CDH11: variants seen among roughly 807,000 people sequenced by gnomAD.
CDH11 encodes cadherin-11.
CDH11 carries 11 observed loss-of-function variants against 67.8 expected under a neutral mutation model. The ratio of observed to expected loss-of-function variants is 0.16; its 90% CI spans 0.10 to 0.27. CDH11 has a LOEUF of 0.27. CDH11 is among the 10% of genes least tolerant of loss of function. CDH11 has a pLI of 1.00. For synonymous variants in CDH11, 419 were observed against 400.0 expected, an observed-to-expected ratio of 1.05 and a Z score of -0.57; for missense variants, 847 against 1,031.2, an observed-to-expected ratio of 0.82 and a Z score of 2.45.
chr16:64,973,076 C>T (rs982664927), intron 8 of CDH11, 36 bp from the exon 9 acceptor site: 2 of 1,598,504 alleles, frequency 1.3e-6, no homozygotes, highest in Non-Finnish European at 1.7e-6. Context: ...TAGACCAAGA[C>T]ATTCAGAGCA....
At chr16:64,995,849 C>G (rs557657767) in intron 4 of CDH11, among the ~76,000 whole-genome samples, 1 of 152,154 alleles carries the variant, frequency 6.6e-6, no homozygotes, top group East Asian at 1.9e-4. Context: ...ACTACACACC[C>G]AACAAAGGTC....
At chr16:64,951,785 T>C (rs894594434) in intron 11 of CDH11, among the ~76,000 whole-genome samples, 22 of 152,198 alleles carry the variant, frequency 1.4e-4, no homozygotes, top group Admixed American at 1.3e-4. Context: ...TCATTAGTCA[T>C]GTAAATATAC....
Position 64,947,540 on chromosome 16 carries a change from A to G in CDH11, c.*63T>C. On this transcript the variant is annotated 3_prime_UTR_variant, in exon 13 of 13. Transcript: ENST00000268603. ...TTGATTTAAAAAAATACCTGTTTAC[A>G]CATCTTCTAGATTCTTGAGAACGCC... 1 of 1,534,540 alleles carries G rather than the reference A, an allele frequency of 6.5e-7. No individual in the cohort carries two copies. The highest frequency in any genetic ancestry group is 8.7e-7 in the Non-Finnish European group (1 of 1,143,512).
chr16:64,997,124 C>T (rs1567517258), intron 4 of CDH11, among the ~76,000 whole-genome samples: 2 of 151,630 alleles, frequency 1.3e-5, no homozygotes, highest in African/African-American at 2.4e-5. Flanking sequence ...CATGTGAAAC[C>T]CCGTCCGTAA....
intron 1 of CDH11, among the ~76,000 whole-genome samples, chr16:65,112,994 A>G (rs1369150076): frequency 6.6e-6 from 1 of 152,232 alleles, no homozygotes; most frequent in Non-Finnish European, 1.5e-5. Context: ...AATCAATTAA[A>G]AAATGACTTT....
chr16:65,092,694 C>A (rs1425568683), intron 1 of CDH11, among the ~76,000 whole-genome samples: 1 of 151,122 alleles, frequency 6.6e-6, no homozygotes, highest in Non-Finnish European at 1.5e-5. Context: ...CAACTCAGCT[C>A]AAATCACAGG....
At chr16:64,966,148 G>A (rs2142410831) in intron 11 of CDH11, among the ~76,000 whole-genome samples, 1 of 152,128 alleles carries the variant, frequency 6.6e-6, no homozygotes, top group Middle Eastern at 3.4e-3. Context: ...CTTCCAAAAT[G>A]TAAAGTAGCT....
At position 65,053,808 on chromosome 16, in the gene CDH11, T is replaced by C. The variant is rs1321362072; in HGVS notation, c.-177A>G. On this transcript the variant is annotated 5_prime_UTR_variant, in exon 2 of 13. Coordinates refer to ENST00000268603, the MANE Select transcript of CDH11 (RefSeq NM_001797.4). ...AGTAATATTAGTCCAACTTACCTTC[T>C]TCACCCATTGGATACTTGCTGCCAA... 4.4e-6 allele frequency: 2 copies of C among 456,026 alleles called. No homozygotes were observed. Among genetic ancestry groups the C allele is most frequent in the Non-Finnish European group, 8.8e-6 (2 of 226,776 alleles). The allele number at this position is 456,026 out of a possible 1,614,324, so 28.2% of individuals were successfully genotyped here. A position where few individuals can be genotyped will look rare whatever the true frequency, so the allele number is the denominator to read the frequency against.
At chr16:64,987,870 T>C (rs1273450802) in intron 7 of CDH11, 5 of 279,708 alleles carry the variant, frequency 1.8e-5, no homozygotes, top group Non-Finnish European at 2.7e-5. Flanking sequence ...TTTATCTCAT[T>C]GTCCTTCCCT....
chr16:64,961,907 C>A (rs953052199), intron 11 of CDH11, among the ~76,000 whole-genome samples: 4 of 151,930 alleles, frequency 2.6e-5, no homozygotes, highest in South Asian at 2.1e-4. Context: ...ACACACACAC[C>A]CCCCAAAACA....
chr16:65,015,060 C>T (rs1157330684), intron 2 of CDH11, among the ~76,000 whole-genome samples: 1 of 134,762 alleles, frequency 7.4e-6, no homozygotes, highest in Non-Finnish European at 1.5e-5. Context: ...TATTGAGAGA[C>T]TGGGTTTCTC....
At chr16:65,081,128 T>G (rs569225970) in intron 1 of CDH11, among the ~76,000 whole-genome samples, 1 of 152,312 alleles carries the variant, frequency 6.6e-6, no homozygotes, top group East Asian at 1.9e-4. Context: ...CTGTCTAAAT[T>G]CTATACCTCA....
chr16:64,945,603 C>A lies in CDH11; in HGVS notation c.*2000G>T. On this transcript the variant is annotated 3_prime_UTR_variant, in exon 13 of 13. Coordinates refer to ENST00000268603, the MANE Select transcript of CDH11 (RefSeq NM_001797.4). ...AAACTATATAAAAAAATGAACACAA[C>A]CTGCAATTATGGAAGTATTGAGAAT... The A allele has an allele frequency of 2.9e-6, 3 of 1,033,398 alleles. No homozygotes were observed. Among genetic ancestry groups the A allele is most frequent in the Non-Finnish European group, 3.5e-6 (3 of 858,872 alleles). 64.0% of individuals were successfully genotyped at this position (1,033,398 alleles called of 1,614,324 possible). A position where few individuals can be genotyped will look rare whatever the true frequency, so the allele number is the denominator to read the frequency against.
chr16:65,025,181 T>C (rs1368509452), intron 2 of CDH11, among the ~76,000 whole-genome samples: 2 of 152,132 alleles, frequency 1.3e-5, no homozygotes, highest in African/African-American at 4.8e-5. Flanking sequence ...AAACAACAAA[T>C]GATGCCTGAC....
intron 11 of CDH11, among the ~76,000 whole-genome samples, chr16:64,966,841 G>A (rs540984833): frequency 2.6e-5 from 4 of 152,176 alleles, no homozygotes; most frequent in African/African-American, 7.2e-5. Context: ...CTATGCAGTA[G>A]GTATGGTAGG....
intron 2 of CDH11, among the ~76,000 whole-genome samples, chr16:65,027,050 G>A (rs1174430194): frequency 2.0e-5 from 3 of 152,096 alleles, no homozygotes; most frequent in African/African-American, 7.2e-5. Flanking sequence ...GTAGAGGCAA[G>A]TGCCATGTTT....
Position 65,121,809 on chromosome 16 carries a change from T to G in CDH11, c.-298+71A>C, listed in dbSNP as rs2142906899. ...CCGCCCCGCCAAGACATTCTCTTCC[T>G]GAGAAAATCCTGCCCCCCATTCCAA... On this transcript the variant is annotated intron_variant, in intron 1 of 12. Transcript: ENST00000268603. This position sits in a 1 kb window ranked among gnomAD's most constrained non-coding sequence, Gnocchi z 4.1. The G allele has an allele frequency of 1.4e-6, 1 of 689,878 alleles. No homozygotes were observed. The highest frequency in any genetic ancestry group is 1.8e-5 in the African/African-American group (1 of 56,572). 42.7% of individuals were successfully genotyped at this position (689,878 alleles called of 1,614,324 possible). A position where few individuals can be genotyped will look rare whatever the true frequency, so the allele number is the denominator to read the frequency against.
chr16:65,052,544 G>A lies in CDH11; in HGVS notation c.-173+1260C>T, dbSNP rs568952231. On this transcript the variant is annotated intron_variant, in intron 2 of 12. Transcript: ENST00000268603. ...GGATGTATATAATACAGGCAGGGTG[G>A]AGAGGGAATACCAGCTGAGAGATGA... Among the ~76,000 whole-genome samples the A allele has an allele frequency of 2.6e-5, 4 of 152,212 alleles. No individual in the cohort carries two copies. The East Asian group carries it at 5.8e-4, about 22-fold the overall frequency.
chr16:65,020,916 C>A (rs1451399117), intron 2 of CDH11, among the ~76,000 whole-genome samples: 1 of 151,900 alleles, frequency 6.6e-6, no homozygotes, highest in African/African-American at 2.4e-5. Context: ...GGAAAGCATG[C>A]AATTTCTAGG....
Sources: allele counts gnomAD v4.1 joint callset (sites outside exome capture counted in the v4.1 genomes callset), GRCh38; gene constraint gnomAD v4.1.1; non-coding constraint Gnocchi (gnomAD v3.1); transcripts MANE v1.5; gene names NCBI Gene and HGNC (gene_info 2026-07-23, HGNC 2026-07-21).